IMPA2: variants seen among roughly 807,000 people sequenced by gnomAD.
IMPA2 encodes IMP 2.
Under a neutral mutation model 35.1 loss-of-function variants are expected in IMPA2, and 32 were observed. That is an observed-to-expected ratio of 0.91 (90% confidence interval 0.69 to 1.23). IMPA2 has a LOEUF of 1.23. Ranked by LOEUF, IMPA2 falls within the 50% of genes most tolerant of loss-of-function variation. The pLI is 0.00. For missense variants in IMPA2, 334 were observed against 387.6 expected (o/e 0.86, Z 1.16); for synonymous variants, 135 against 160.6 (o/e 0.84, Z 1.20).
chr18:12,011,129 G>A (rs1168973563), intron 3 of IMPA2, among the ~76,000 whole-genome samples: 1 of 152,192 alleles, frequency 6.6e-6, no homozygotes, highest in Non-Finnish European at 1.5e-5. Flanking sequence ...ACGTCCATTC[G>A]AGGGTCTTCA....
chr18:11,999,669 G>GC (rs1278932071), intron 2 of IMPA2, among the ~76,000 whole-genome samples: 4 of 152,224 alleles, frequency 2.6e-5, no homozygotes, highest in Non-Finnish European at 4.4e-5. Flanking sequence ...AGTGATGCAC[G>GC]CCCCCTCGCC....
At chr18:11,994,640 C>G (rs1906909529) in intron 1 of IMPA2, among the ~76,000 whole-genome samples, 1 of 152,232 alleles carries the variant, frequency 6.6e-6, no homozygotes, top group African/African-American at 2.4e-5. Flanking sequence ...AATCTTCTAG[C>G]ATTTAGTTAA....
chr18:11,995,981 C>A (rs1344569058), intron 1 of IMPA2, among the ~76,000 whole-genome samples: 2 of 152,074 alleles, frequency 1.3e-5, no homozygotes, highest in Non-Finnish European at 2.9e-5. Flanking sequence ...CCCTCAGAAG[C>A]CTCTGCCTAG....
intron 2 of IMPA2, among the ~76,000 whole-genome samples, chr18:12,004,534 G>GT (rs558164660): frequency 0.04 from 5,571 of 139,578 alleles, 252 homozygotes; most frequent in African/African-American, 0.11. Flanking sequence ...TATATTGTGG[G>GT]TTTTTTTTTT....
Position 12,030,810 on chromosome 18 carries a change from G to A in IMPA2, c.*352G>A, listed in dbSNP as rs144223377. 7 of 231,550 alleles carry A rather than the reference G, an allele frequency of 3.0e-5. No homozygotes were observed. Among genetic ancestry groups the A allele is most frequent in the Non-Finnish European group, 5.1e-5 (6 of 117,032 alleles). 14.3% of individuals were successfully genotyped at this position (231,550 alleles called of 1,614,324 possible). A position where few individuals can be genotyped will look rare whatever the true frequency, so the allele number is the denominator to read the frequency against. ...CAGGTAATAAGGCTTTAGAACTGCT[G>A]ATAAAGCGGATCGTTCTCAGGCCCT... On this transcript the variant is annotated 3_prime_UTR_variant, in exon 8 of 8. Coordinates refer to ENST00000269159, the MANE Select transcript of IMPA2 (RefSeq NM_014214.3).
At chr18:12,029,056 G>A in intron 7 of IMPA2, 63 bp downstream of exon 7, 3 of 1,488,272 alleles carry the variant, frequency 2.0e-6, no homozygotes, top group South Asian at 1.2e-5. Flanking sequence ...TGTGGGTGGG[G>A]CACTTCCTGA....
chr18:11,984,763 C>A (rs7407928), intron 1 of IMPA2, among the ~76,000 whole-genome samples: 1 of 151,668 alleles, frequency 6.6e-6, no homozygotes, highest in Non-Finnish European at 1.5e-5. Flanking sequence ...GTCAGGAGAT[C>A]AAGACCATCC....
At chr18:12,009,759 C>T (rs1486571857) in intron 2 of IMPA2, 124 bp from the exon 3 acceptor site, 1 of 740,138 alleles carries the variant, frequency 1.4e-6, no homozygotes, top group South Asian at 1.6e-5. Context: ...CTGTTTGACC[C>T]AGAGAAACCA....
intron 5 of IMPA2, among the ~76,000 whole-genome samples, chr18:12,020,855 A>T (rs1043621935): frequency 6.6e-6 from 1 of 151,286 alleles, no homozygotes; most frequent in African/African-American, 2.4e-5. Flanking sequence ...TTGTGGTTAG[A>T]TTTCTTTTTT....
intron 5 of IMPA2, among the ~76,000 whole-genome samples, chr18:12,022,079 A>G (rs73946222): frequency 0.012 from 1,780 of 148,468 alleles, 35 homozygotes; most frequent in African/African-American, 0.041. Context: ...ACTCTTCAGC[A>G]TACCATTCAA....
At chr18:12,028,762 G>A in intron 6 of IMPA2, 80 bp from the exon 7 acceptor site, 2 of 1,470,032 alleles carry the variant, frequency 1.4e-6, no homozygotes, top group African/African-American at 1.4e-5. Context: ...CCCAGCCGGG[G>A]TACCTGGCTG....
chr18:12,015,946 C>T (rs758616335), intron 5 of IMPA2, among the ~76,000 whole-genome samples: 1 of 152,188 alleles, frequency 6.6e-6, no homozygotes, highest in Non-Finnish European at 1.5e-5. Context: ...AACTCTGCGT[C>T]CTCCCAGCCT....
At chr18:12,024,439 G>C (rs143637810) in intron 5 of IMPA2, among the ~76,000 whole-genome samples, 2 of 152,110 alleles carry the variant, frequency 1.3e-5, no homozygotes, top group African/African-American at 4.8e-5. Flanking sequence ...AGCTGAGATC[G>C]CACCATTGCA....
intron 2 of IMPA2, among the ~76,000 whole-genome samples, chr18:12,000,669 G>A (rs1366137495): frequency 6.9e-6 from 1 of 144,816 alleles, no homozygotes; most frequent in African/African-American, 2.6e-5. Context: ...AGGCTGGAGT[G>A]CAGTGGCGTG....
chr18:11,993,530 G>C (rs1328732567), intron 1 of IMPA2, among the ~76,000 whole-genome samples: 4 of 152,206 alleles, frequency 2.6e-5, no homozygotes, highest in African/African-American at 9.7e-5. Context: ...CCGGGGTGAG[G>C]GTAGTTCCTG....
At chr18:12,022,987 G>T (rs900199122) in intron 5 of IMPA2, among the ~76,000 whole-genome samples, 6 of 140,612 alleles carry the variant, frequency 4.3e-5, no homozygotes, top group African/African-American at 1.6e-4. Context: ...TAGTGACAGG[G>T]TTTCCCTGTG....
chr18:11,998,925 GCC>G, intron 1 of IMPA2, 127 bp from the exon 2 acceptor site: 1 of 37,050 alleles, frequency 2.7e-5, no homozygotes. Flanking sequence ...TGCTGCCCCC[GCC>G]GCCCCCCCCC....
chr18:11,987,682 G>T (rs1195813243), intron 1 of IMPA2, among the ~76,000 whole-genome samples: 1 of 152,140 alleles, frequency 6.6e-6, no homozygotes, highest in Non-Finnish European at 1.5e-5. Context: ...GTTAATACGG[G>T]TAACGTTGCT....
At chr18:11,981,803 C>T in intron 1 of IMPA2, 38 bp downstream of exon 1, 1 of 1,198,456 alleles carries the variant, frequency 8.3e-7, no homozygotes, top group South Asian at 4.2e-5. Context: ...CCGGGCGGAG[C>T]AGAAGCGCGT....
Sources: allele counts gnomAD v4.1 joint callset (sites outside exome capture counted in the v4.1 genomes callset), GRCh38; gene constraint gnomAD v4.1.1; transcripts MANE v1.5; gene names NCBI Gene and HGNC (gene_info 2026-07-23, HGNC 2026-07-21).